Variants in BTG4 observed in about 807,000 individuals in gnomAD.
BTG4 encodes protein BTG4.
BTG4 carries 10 observed loss-of-function variants against 19.3 expected under a neutral mutation model. The ratio of observed to expected loss-of-function variants is 0.52; its 90% CI spans 0.32 to 0.88. The LOEUF is 0.88. BTG4 is among the 40% of genes least tolerant of loss of function. The pLI is 0.04. For missense variants in BTG4, 238 were observed against 281.9 expected (o/e 0.84, Z 1.11); for synonymous variants, 91 against 95.7 (o/e 0.95, Z 0.29).
chr11:111,460,864 T>C, the BTG4 span, among the ~76,000 whole-genome samples: 1 of 152,158 alleles, frequency 6.6e-6, no homozygotes, highest in Non-Finnish European at 1.5e-5. Context: ...TTCCTGCCCA[T>C]TCCTCTCCCT....
downstream of BTG4, among the ~76,000 whole-genome samples, chr11:111,465,781 G>A (rs545394409): frequency 6.6e-6 from 1 of 152,154 alleles, no homozygotes; most frequent in Non-Finnish European, 1.5e-5. Flanking sequence ...GCAAGAGAAG[G>A]CTTTGTAGGA....
At chr11:111,498,175 A>G (rs372260073) in intron 2 of BTG4, 40 bp from the exon 3 acceptor site, 45 of 1,607,296 alleles carry the variant, frequency 2.8e-5, no homozygotes, top group Middle Eastern at 1.6e-4. Context: ...ATGATGACAG[A>G]CACTTTAGCA....
chr11:111,405,279 C>T, the BTG4 span, among the ~76,000 whole-genome samples: 2 of 151,946 alleles, frequency 1.3e-5, no homozygotes, highest in South Asian at 2.1e-4. Flanking sequence ...TGGTGGGCAC[C>T]TATAATCCCA....
the BTG4 span, among the ~76,000 whole-genome samples, chr11:111,441,057 G>C: frequency 1.3e-5 from 2 of 151,982 alleles, no homozygotes; most frequent in Non-Finnish European, 2.9e-5. Context: ...GCAGAGTCTT[G>C]GTTCCTGGAG....
chr11:111,389,797 T>A, the BTG4 span, among the ~76,000 whole-genome samples: 1 of 152,126 alleles, frequency 6.6e-6, no homozygotes. Context: ...TTAAAAAAAC[T>A]CTCTTAATTA....
chr11:111,492,269 T>C (rs1462098174), downstream of BTG4, among the ~76,000 whole-genome samples: 1 of 152,240 alleles, frequency 6.6e-6, no homozygotes, highest in African/African-American at 2.4e-5. Flanking sequence ...CAAGGGACAC[T>C]ATTAATAAAA....
the BTG4 span, among the ~76,000 whole-genome samples, chr11:111,403,514 T>C: frequency 6.6e-6 from 1 of 152,214 alleles, no homozygotes; most frequent in Admixed American, 6.5e-5. Context: ...ATGCAGAGGA[T>C]GGGATCTGGG....
chr11:111,390,051 A>G, the BTG4 span, among the ~76,000 whole-genome samples: 2 of 152,250 alleles, frequency 1.3e-5, no homozygotes, highest in Admixed American at 1.3e-4. Flanking sequence ...ATGAGGAAAC[A>G]CAGTGAGGTT....
chr11:111,469,506 A>G (rs930418207), intron 5 of BTG4, among the ~76,000 whole-genome samples: 1 of 152,050 alleles, frequency 6.6e-6, no homozygotes, highest in Non-Finnish European at 1.5e-5. Context: ...GATTTTCCTA[A>G]TCAGATTTCC....
chr11:111,399,602 A>G, the BTG4 span, among the ~76,000 whole-genome samples: 17 of 152,158 alleles, frequency 1.1e-4, no homozygotes, highest in Non-Finnish European at 1.9e-4. Flanking sequence ...TGTGAGTCAT[A>G]TTGCCTCTTG....
chr11:111,490,117 C>CAA (rs149540718), downstream of BTG4, among the ~76,000 whole-genome samples: 454 of 135,432 alleles, frequency 3.4e-3, 6 homozygotes, highest in East Asian at 0.032. Context: ...ACTAAAAATA[C>CAA]AAAAAAAAAA....
At chr11:111,397,851 C>T in the BTG4 span, 1 of 152,206 alleles carries the variant, frequency 6.6e-6, no homozygotes, top group Admixed American at 6.5e-5. Context: ...GCCATAAAGA[C>T]ACTACACTTC....
At chr11:111,486,723 C>A (rs2135599634) in intron 5 of BTG4, among the ~76,000 whole-genome samples, 1 of 152,174 alleles carries the variant, frequency 6.6e-6, no homozygotes, top group South Asian at 2.1e-4. Flanking sequence ...CCCAGGGATG[C>A]AAGGATAGTT....
At chr11:111,433,149 A>G in the BTG4 span, among the ~76,000 whole-genome samples, 4 of 152,228 alleles carry the variant, frequency 2.6e-5, no homozygotes, top group Non-Finnish European at 4.4e-5. Context: ...AATGGGCGCA[A>G]TATAAAATAC....
At chr11:111,431,065 A>G in the BTG4 span, among the ~76,000 whole-genome samples, 147 of 112,054 alleles carry the variant, frequency 1.3e-3, no homozygotes, top group Non-Finnish European at 2.2e-3. Context: ...GTCAGTGACG[A>G]AAGGGTTTGA....
chr11:111,384,896 C>T, the BTG4 span: 143 of 152,084 alleles, frequency 9.4e-4, no homozygotes, highest in African/African-American at 3.4e-3. Context: ...AAATGTGGCC[C>T]TTAAGGAGAT....
upstream of BTG4, chr11:111,514,424 G>A (rs1716430748): frequency 3.3e-6 from 1 of 299,018 alleles, no homozygotes; most frequent in Non-Finnish European, 6.5e-6. Context: ...GTGGGGATTG[G>A]GGCAATGGGG....
At chr11:111,437,533 C>A in the BTG4 span, among the ~76,000 whole-genome samples, 1,337 of 152,330 alleles carry the variant, frequency 8.8e-3, 26 homozygotes, top group African/African-American at 0.029. Flanking sequence ...AACTTGAGGA[C>A]TGGTGTGGCT....
At chr11:111,437,638 G>A in the BTG4 span, among the ~76,000 whole-genome samples, 1 of 152,116 alleles carries the variant, frequency 6.6e-6, no homozygotes, top group Non-Finnish European at 1.5e-5. Context: ...CCTTGCCTGA[G>A]GCTAGAGCTA....
Sources: allele counts gnomAD v4.1 joint callset (sites outside exome capture counted in the v4.1 genomes callset), GRCh38; gene constraint gnomAD v4.1.1; transcripts MANE v1.5; gene names NCBI Gene and HGNC (gene_info 2026-07-23, HGNC 2026-07-21).